PLPPR1: variants seen among roughly 807,000 people sequenced by gnomAD.
The protein encoded by PLPPR1 is phospholipid phosphatase related 1.
In PLPPR1, 10 loss-of-function variants were observed where a neutral mutation model predicts 33.1. The ratio of observed to expected loss-of-function variants is 0.30; its 90% CI spans 0.19 to 0.51. The LOEUF is 0.51. Ranked by LOEUF, PLPPR1 falls within the 20% of genes least tolerant of loss-of-function variation. The pLI is 0.97. For synonymous variants in PLPPR1, 151 were observed against 151.0 expected, an observed-to-expected ratio of 1.00 and a Z score of 0.00; for missense variants, 304 against 408.1, an observed-to-expected ratio of 0.74 and a Z score of 2.20.
chr9:101,270,108 C>T (rs1397764523), intron 3 of PLPPR1, 40 bp downstream of exon 3: 1 of 1,592,088 alleles, frequency 6.3e-7, no homozygotes. Flanking sequence ...TTGTCAGATA[C>T]CCAAGAATAT....
chr9:101,285,455 A>T (rs945151642), intron 3 of PLPPR1, among the ~76,000 whole-genome samples: 3 of 152,230 alleles, frequency 2.0e-5, no homozygotes, highest in African/African-American at 7.2e-5. Flanking sequence ...TGATCAAATA[A>T]GAATTTAGAA....
chr9:101,068,538 T>C (rs1225341837), intron 1 of PLPPR1, among the ~76,000 whole-genome samples: 1 of 152,064 alleles, frequency 6.6e-6, no homozygotes, highest in African/African-American at 2.4e-5. Flanking sequence ...GAGATTGCTC[T>C]AATGCTGAAA....
chr9:101,124,154 G>T (rs1353297349), intron 1 of PLPPR1, among the ~76,000 whole-genome samples: 1 of 152,162 alleles, frequency 6.6e-6, no homozygotes, highest in Non-Finnish European at 1.5e-5. Context: ...TTGCCGGTTG[G>T]TGATCCAGCT....
intron 1 of PLPPR1, among the ~76,000 whole-genome samples, chr9:101,153,558 A>T (rs1364222144): frequency 6.6e-6 from 1 of 152,044 alleles, no homozygotes; most frequent in Non-Finnish European, 1.5e-5. Flanking sequence ...TTATTTTGAG[A>T]TATGTCCCAT....
intron 2 of PLPPR1, among the ~76,000 whole-genome samples, chr9:101,212,258 T>C (rs1168630883): frequency 1.3e-5 from 2 of 152,028 alleles, no homozygotes; most frequent in Non-Finnish European, 2.9e-5. Context: ...AATTTTTGTA[T>C]TTTTAGTAGA....
chr9:101,035,255 G>A (rs1268768208), intron 1 of PLPPR1, among the ~76,000 whole-genome samples: 2 of 152,186 alleles, frequency 1.3e-5, no homozygotes, highest in African/African-American at 4.8e-5. Flanking sequence ...TAGAATCCCA[G>A]TGGATGTGGA....
intron 1 of PLPPR1, among the ~76,000 whole-genome samples, chr9:101,062,149 GGTGTGTGTGTGTGTGTGTGT>G (rs56998660): frequency 6.7e-6 from 1 of 148,446 alleles, no homozygotes; most frequent in African/African-American, 2.5e-5. Flanking sequence ...GACAAAATGT[GGTGTGTGTGTGTGTGTGTGT>G]GTGTGTGTGT....
At chr9:101,318,259 C>A (rs1221098919) in intron 7 of PLPPR1, among the ~76,000 whole-genome samples, 1 of 151,818 alleles carries the variant, frequency 6.6e-6, no homozygotes, top group African/African-American at 2.4e-5. Flanking sequence ...GCACAAAGTG[C>A]TGTATGAATA....
At chr9:101,217,543 A>G (rs906030010) in intron 2 of PLPPR1, among the ~76,000 whole-genome samples, 2 of 152,228 alleles carry the variant, frequency 1.3e-5, no homozygotes, top group African/African-American at 2.4e-5. Context: ...TGTAAATTAT[A>G]TAGTCACTTC....
chr9:101,282,928 A>T (rs1182343834), intron 3 of PLPPR1, among the ~76,000 whole-genome samples: 1 of 152,210 alleles, frequency 6.6e-6, no homozygotes, highest in Non-Finnish European at 1.5e-5. Flanking sequence ...ATGGATTGGA[A>T]GAATTAATAC....
chr9:101,191,794 A>T (rs1172717607), intron 2 of PLPPR1, among the ~76,000 whole-genome samples: 3 of 152,184 alleles, frequency 2.0e-5, no homozygotes, highest in African/African-American at 7.2e-5. Context: ...TTTTATATAT[A>T]TTTGTGCTAA....
chr9:101,116,840 A>C (rs1279880205), intron 1 of PLPPR1, among the ~76,000 whole-genome samples: 1 of 151,932 alleles, frequency 6.6e-6, no homozygotes, highest in Non-Finnish European at 1.5e-5. Context: ...AAAGAAATGC[A>C]AGATAAGCTT....
chr9:101,320,453 A>G (rs375737053), intron 7 of PLPPR1, among the ~76,000 whole-genome samples: 91 of 152,348 alleles, frequency 6.0e-4, no homozygotes, highest in African/African-American at 2.0e-3. Flanking sequence ...CCCAAAACCT[A>G]AAGTAGACAC....
At chr9:101,246,884 A>G (rs1169719829) in intron 2 of PLPPR1, among the ~76,000 whole-genome samples, 1 of 151,990 alleles carries the variant, frequency 6.6e-6, no homozygotes, top group Non-Finnish European at 1.5e-5. Flanking sequence ...TGCATGACTC[A>G]GCTCTCTTCT....
intron 1 of PLPPR1, among the ~76,000 whole-genome samples, chr9:101,110,343 T>C (rs77181822): frequency 8.5e-5 from 13 of 152,190 alleles, no homozygotes; most frequent in Non-Finnish European, 1.5e-4. Flanking sequence ...TAATACTCAG[T>C]GTTGCTGAGG....
intron 1 of PLPPR1, among the ~76,000 whole-genome samples, chr9:101,108,796 C>T (rs1831011552): frequency 6.6e-6 from 1 of 152,042 alleles, no homozygotes; most frequent in Non-Finnish European, 1.5e-5. Context: ...TTTTCATTTC[C>T]AAGAGCTATT....
chr9:101,032,665 T>C (rs1473890987), intron 1 of PLPPR1, among the ~76,000 whole-genome samples: 1 of 152,176 alleles, frequency 6.6e-6, no homozygotes, highest in Admixed American at 6.5e-5. Context: ...CATGAGGTGA[T>C]GATTCCTGCA....
chr9:101,251,492 C>G (rs1003439652), intron 2 of PLPPR1, among the ~76,000 whole-genome samples: 2 of 152,060 alleles, frequency 1.3e-5, no homozygotes, highest in Non-Finnish European at 2.9e-5. Flanking sequence ...GCTCCAGTCT[C>G]GTATAGATTA....
intron 2 of PLPPR1, among the ~76,000 whole-genome samples, chr9:101,233,325 T>C (rs1312744011): frequency 6.6e-6 from 1 of 151,946 alleles, no homozygotes; most frequent in Non-Finnish European, 1.5e-5. Flanking sequence ...ATTTTGTAAC[T>C]GGGGAAAATG....
Sources: gnomAD v4.1 joint callset for allele counts (sites outside exome capture counted in the v4.1 genomes callset) on GRCh38, gnomAD v4.1.1 for gene constraint, MANE v1.5 for transcripts, NCBI Gene and HGNC (gene_info 2026-07-23, HGNC 2026-07-21) for gene names.